TTYH3: variants seen among roughly 807,000 people sequenced by gnomAD.
TTYH3 encodes protein tweety homolog 3.
Under a neutral mutation model 68.2 loss-of-function variants are expected in TTYH3, and 23 were observed. That is an observed-to-expected ratio of 0.34 (90% confidence interval 0.24 to 0.48). The LOEUF (loss-of-function observed/expected upper bound fraction) is 0.48, where lower values mean the gene tolerates loss of function less well. Ranked by LOEUF, TTYH3 falls within the 20% of genes least tolerant of loss-of-function variation. The probability of loss-of-function intolerance (pLI) is 0.99; values close to 1 mark genes in which losing one functional copy is unlikely to be tolerated. For synonymous variants in TTYH3, 360 were observed against 332.8 expected (o/e 1.08, Z -0.89); for missense variants, 768 against 727.7 (o/e 1.06, Z -0.64).
At chr7:2,659,583 A>G (rs1786434809) in intron 13 of TTYH3, among the ~76,000 whole-genome samples, 1 of 152,140 alleles carries the variant, frequency 6.6e-6, no homozygotes, top group African/African-American at 2.4e-5. Context: ...CGTAAGACAC[A>G]GGCAGGAGGG....
At chr7:2,635,985 C>T (rs370365153) in intron 1 of TTYH3, among the ~76,000 whole-genome samples, 26 of 152,348 alleles carry the variant, frequency 1.7e-4, no homozygotes, top group African/African-American at 5.8e-4. Flanking sequence ...GGTCTGACTG[C>T]GCACGGGGAA....
At chr7:2,638,401 A>G (rs896727757) in intron 1 of TTYH3, among the ~76,000 whole-genome samples, 6 of 152,050 alleles carry the variant, frequency 3.9e-5, no homozygotes, top group Admixed American at 3.9e-4. Context: ...TCCCCCGGCT[A>G]CAGGGTGCAG....
chr7:2,658,996 G>C lies in TTYH3; in HGVS notation c.1481G>C (p.Arg494Pro), dbSNP rs757298103. 1 of 1,614,054 alleles carries C rather than the reference G, an allele frequency of 6.2e-7. No homozygotes were observed. Among genetic ancestry groups the C allele is most frequent in the Admixed American group, 1.7e-5 (1 of 60,004 alleles). ...TGTGAGAACACCCCACTCATTGGGC[G>C]CGAGTCCCCGCCGCCCTCAGTAAGT... ...PRCENTPLIGRESPPPSYTSS... is the reference protein window; with the variant it reads ...PRCENTPLIGPESPPPSYTSS... The change falls in exon 13 of 14, where the codon CGC (arginine) becomes CCC (proline). Residue 494 changes from arginine to proline, a missense_variant. By Grantham distance (103) the Arg-to-Pro change is moderately radical (BLOSUM62 -2). Coordinates refer to ENST00000258796, the MANE Select transcript of TTYH3 (RefSeq NM_025250.3).
intron 1 of TTYH3, among the ~76,000 whole-genome samples, chr7:2,638,615 G>A (rs921162111): frequency 6.6e-6 from 1 of 152,194 alleles, no homozygotes; most frequent in Non-Finnish European, 1.5e-5. Flanking sequence ...AGTTGGCCCC[G>A]ACCCCGGCTC....
At chr7:2,650,206 G>A (rs1051730330) in intron 7 of TTYH3, among the ~76,000 whole-genome samples, 3 of 152,220 alleles carry the variant, frequency 2.0e-5, no homozygotes. Flanking sequence ...GCGGGTGCCC[G>A]CGTGGCAGGG....
At chr7:2,636,962 G>C (rs1466542559) in intron 1 of TTYH3, among the ~76,000 whole-genome samples, 1 of 151,966 alleles carries the variant, frequency 6.6e-6, no homozygotes. Flanking sequence ...CAGCAGCCTG[G>C]GACCCTCTAG....
chr7:2,644,724 C>T (rs1352986095), intron 1 of TTYH3, among the ~76,000 whole-genome samples: 1 of 152,206 alleles, frequency 6.6e-6, no homozygotes, highest in Non-Finnish European at 1.5e-5. Context: ...CGTGGACACA[C>T]CGGTGTGGCT....
intron 5 of TTYH3, 122 bp downstream of exon 5, chr7:2,648,176 G>A: frequency 2.2e-6 from 2 of 929,960 alleles, no homozygotes; most frequent in Admixed American, 2.3e-5. Context: ...TGGGGGCTGA[G>A]CGGGACCCCC....
chr7:2,635,494 C>G (rs985059951), intron 1 of TTYH3, among the ~76,000 whole-genome samples: 1 of 152,222 alleles, frequency 6.6e-6, no homozygotes, highest in African/African-American at 2.4e-5. Context: ...GCTGTCTCCT[C>G]CAGCTCAGGG....
chr7:2,640,786 G>GTGTCC (rs10527254), intron 1 of TTYH3, among the ~76,000 whole-genome samples: 90,069 of 151,602 alleles, frequency 0.59, 27,854 homozygotes, highest in African/African-American at 0.78. Flanking sequence ...GTCTGCTCAA[G>GTGTCC]TGCCCCGTGG....
At chr7:2,658,918 C>T (rs982753121) in intron 12 of TTYH3, 22 bp from the exon 13 acceptor site, 1 of 1,612,520 alleles carries the variant, frequency 6.2e-7, no homozygotes, top group African/African-American at 1.3e-5. Flanking sequence ...GCACTCACAG[C>T]CTCTCTCCCC....
intron 1 of TTYH3, among the ~76,000 whole-genome samples, chr7:2,638,946 G>A (rs1028241788): frequency 6.6e-6 from 1 of 152,050 alleles, no homozygotes; most frequent in East Asian, 1.9e-4. Flanking sequence ...GCTCGCACAC[G>A]CCGAGCCCAC....
intron 11 of TTYH3, among the ~76,000 whole-genome samples, 168 bp downstream of exon 11, chr7:2,656,702 C>T (rs1475603500): frequency 1.3e-5 from 2 of 152,296 alleles, no homozygotes; most frequent in East Asian, 1.9e-4. Flanking sequence ...CTGAGGCTGC[C>T]GGTTCCCAGG....
chr7:2,652,921 C>G lies in TTYH3; in HGVS notation c.931C>G (p.Leu311Val). ...PRAANPFQQK[L>V]SGSHKALVEM... Reference sequence around the variant, plus strand: ...CTTGGTCTCCTCTCTGGAGCAGAAGCTGTCGGGCAGCCACAAGGCACTGGT... The same window carrying G: ...CTTGGTCTCCTCTCTGGAGCAGAAGGTGTCGGGCAGCCACAAGGCACTGGT... The change falls in exon 9 of 14, where the codon CTG (leucine) becomes GTG (valine). Residue 311 changes from leucine to valine, a missense_variant. Transcript: ENST00000258796. 1 of 1,563,074 alleles carries G rather than the reference C, an allele frequency of 6.4e-7. No individual in the cohort carries two copies. The highest frequency in any genetic ancestry group is 8.7e-7 in the Non-Finnish European group (1 of 1,152,892).
chr7:2,649,783 C>T (rs1239968891), intron 6 of TTYH3, 130 bp from the exon 7 acceptor site: 68 of 1,413,248 alleles, frequency 4.8e-5, no homozygotes, highest in Non-Finnish European at 2.0e-6. Flanking sequence ...GCACAGTCCA[C>T]CTGTAACCCC....
chr7:2,643,309 G>A (rs574832054), intron 1 of TTYH3, among the ~76,000 whole-genome samples: 25 of 149,964 alleles, frequency 1.7e-4, no homozygotes, highest in Admixed American at 2.7e-4. Flanking sequence ...GAGCTGAGAT[G>A]GCGCCACTGC....
At chr7:2,646,469 G>A (rs981463303) in intron 1 of TTYH3, among the ~76,000 whole-genome samples, 1 of 152,188 alleles carries the variant, frequency 6.6e-6, no homozygotes, top group Non-Finnish European at 1.5e-5. Flanking sequence ...CTCTCCTTGG[G>A]GCCTGGTGGG....
intron 6 of TTYH3, 119 bp downstream of exon 6, chr7:2,649,758 G>C: frequency 2.1e-6 from 3 of 1,446,684 alleles, no homozygotes; most frequent in Non-Finnish European, 1.9e-6. Context: ...CGAGAGCGGT[G>C]GGGACCCACC....
intron 13 of TTYH3, 138 bp downstream of exon 13, chr7:2,659,153 C>A (rs1786422823): frequency 2.4e-6 from 2 of 840,368 alleles, no homozygotes; most frequent in Admixed American, 2.4e-5. Context: ...CCACCGGGGT[C>A]CCAGGTGACC....
Sources: allele counts gnomAD v4.1 joint callset (sites outside exome capture counted in the v4.1 genomes callset), GRCh38; gene constraint gnomAD v4.1.1; transcripts MANE v1.5; gene names NCBI Gene and HGNC (gene_info 2026-07-23, HGNC 2026-07-21).